Variants in SLC12A5 observed in about 807,000 individuals in gnomAD.
The protein encoded by SLC12A5 is K-Cl cotransporter 2.
In SLC12A5, 18 loss-of-function variants were observed where a neutral mutation model predicts 124.0. The observed-to-expected ratio is 0.15, with a 90% CI of 0.10 to 0.22. The LOEUF is 0.22. Ranked by LOEUF, SLC12A5 falls within the 10% of genes least tolerant of loss-of-function variation. SLC12A5 has a pLI of 1.00. For synonymous variants in SLC12A5, 589 were observed against 568.0 expected (o/e 1.04, Z -0.53); for missense variants, 867 against 1,478.7 (o/e 0.59, Z 6.78).
At chr20:46,031,522 G>C (rs915193493) in intron 1 of SLC12A5, among the ~76,000 whole-genome samples, 1 of 152,334 alleles carries the variant, frequency 6.6e-6, no homozygotes, top group Admixed American at 6.5e-5. Context: ...GAAGGAACTG[G>C]TTGCTGACCT....
intron 6 of SLC12A5, 144 bp from the exon 7 acceptor site, chr20:46,040,229 A>T: frequency 8.1e-7 from 1 of 1,230,976 alleles, no homozygotes; most frequent in Non-Finnish European, 1.1e-6. Flanking sequence ...TGCCTTCTTT[A>T]GCGATTCTCC....
rs1278773182 is a variant in SLC12A5, at chr20:46,043,069, C to T, written c.1067-84C>T. 5.7e-6 allele frequency: 8 copies of T among 1,397,956 alleles called. No individual in the cohort carries two copies. In the Admixed American group the frequency reaches 5.9e-5, roughly 10 times the overall value. The allele number at this position is 1,397,956 out of a possible 1,614,324, so 86.6% of individuals were successfully genotyped here. A position where few individuals can be genotyped will look rare whatever the true frequency, so the allele number is the denominator to read the frequency against. On this transcript the variant is annotated intron_variant, in intron 8 of 25. Coordinates refer to ENST00000243964, the MANE Select transcript of SLC12A5 (RefSeq NM_020708.5). ...GAGATGGGGTTGATCTTGACCCTGACTTTTTGCCCCCTCCCACCTCCTGGT... is the reference window on the plus strand; with the variant it reads ...GAGATGGGGTTGATCTTGACCCTGATTTTTTGCCCCCTCCCACCTCCTGGT...
At chr20:46,029,818 C>T (rs528362530) in intron 1 of SLC12A5, among the ~76,000 whole-genome samples, 1 of 151,820 alleles carries the variant, frequency 6.6e-6, no homozygotes, top group African/African-American at 2.4e-5. Flanking sequence ...TGCAGTCCCT[C>T]GTTCTAAGAC....
rs3080279 is a variant in SLC12A5 at position 46,029,858 on chromosome 20, C to CTGTGTGTGTGTG, written c.52+483_52+494dup. 3.6e-3 allele frequency among the ~76,000 whole-genome samples: 476 copies of CTGTGTGTGTGTG among 133,064 alleles called. 6 individuals carry two copies. Among genetic ancestry groups the CTGTGTGTGTGTG allele is most frequent in the African/African-American group, 0.014 (441 of 32,270 alleles). 87.3% of individuals were successfully genotyped at this position (133,064 alleles called of 152,430 possible). A position where few individuals can be genotyped will look rare whatever the true frequency, so the allele number is the denominator to read the frequency against. Reference sequence around the variant, plus strand: ...ATCTGGAAGATGGGGGAAGAGGTGGCTGTGTGTGTGTGTGTGTGTGTGTGT... The same window carrying CTGTGTGTGTGTG: ...ATCTGGAAGATGGGGGAAGAGGTGGCTGTGTGTGTGTGTGTGTGTGTGTGTGTGTGTGTGTGT... On this transcript the variant is annotated intron_variant, in intron 1 of 25. Coordinates refer to ENST00000243964, the MANE Select transcript of SLC12A5 (RefSeq NM_020708.5).
At chr20:46,024,274 G>T (rs1049684766), upstream of SLC12A5, among the ~76,000 whole-genome samples, 1 of 152,144 alleles carries the variant, frequency 6.6e-6, no homozygotes, top group Non-Finnish European at 1.5e-5. Context: ...GTTGAAGGGT[G>T]TGCTGATGTG....
upstream of SLC12A5, among the ~76,000 whole-genome samples, chr20:46,024,648 C>G (rs1443246181): frequency 6.6e-6 from 1 of 152,184 alleles, no homozygotes; most frequent in African/African-American, 2.4e-5. Context: ...GGGTTTGCCA[C>G]TTGGGGGGCT....
chr20:46,037,232 C>G (rs6017730), intron 5 of SLC12A5, 23 bp from the exon 6 acceptor site: 1 of 1,581,796 alleles, frequency 6.3e-7, no homozygotes, highest in East Asian at 2.2e-5. Context: ...GACCCTCTCG[C>G]TGATACCAGA....
intron 21 of SLC12A5, among the ~76,000 whole-genome samples, chr20:46,055,234 G>A (rs980987688): frequency 5.3e-5 from 8 of 152,060 alleles, no homozygotes; most frequent in African/African-American, 1.7e-4. Flanking sequence ...GAGGCAGAGG[G>A]ACTTTGGTAT....
intron 11 of SLC12A5, 29 bp from the exon 12 acceptor site, chr20:46,044,937 C>A: frequency 6.2e-7 from 1 of 1,614,028 alleles, no homozygotes; most frequent in Non-Finnish European, 8.5e-7. Flanking sequence ...GCACTGCTCA[C>A]CTGGCATCTC....
At chr20:46,051,897 A>G in intron 18 of SLC12A5, 27 bp downstream of exon 18, 1 of 1,233,704 alleles carries the variant, frequency 8.1e-7, no homozygotes, top group Non-Finnish European at 1.1e-6. Context: ...CTGGGGACAG[A>G]AGAGGGGTGG....
At chr20:46,029,017 T>C (rs1221222417), upstream of SLC12A5, 1 of 708,558 alleles carries the variant, frequency 1.4e-6, no homozygotes, top group Non-Finnish European at 1.9e-6. Flanking sequence ...CCAGTTTTTG[T>C]GCAAGGGGGC....
intron 11 of SLC12A5, 74 bp downstream of exon 11, chr20:46,044,007 A>G: frequency 2.1e-6 from 3 of 1,459,952 alleles, no homozygotes; most frequent in Non-Finnish European, 2.8e-6. Flanking sequence ...AAACAGACCC[A>G]TCAGGAGGTG....
intron 18 of SLC12A5, 43 bp from the exon 19 acceptor site, chr20:46,052,914 A>C: frequency 6.4e-7 from 1 of 1,556,752 alleles, no homozygotes. Flanking sequence ...GGAGAACCAG[A>C]GTCACTGTTT....
At chr20:46,023,824 C>G (rs1023481279), downstream of SLC12A5, among the ~76,000 whole-genome samples, 5 of 152,148 alleles carry the variant, frequency 3.3e-5, no homozygotes, top group Non-Finnish European at 7.3e-5. Context: ...GGACAGGGAC[C>G]ATCTCCTTTA....
At position 46,053,748 on chromosome 20, in the gene SLC12A5, C is replaced by T; in HGVS notation, c.2679+39C>T. 1 of 1,524,040 alleles carries T rather than the reference C, an allele frequency of 6.6e-7. No homozygotes were observed. The allele number at this position is 1,524,040 out of a possible 1,614,324, so 94.4% of individuals were successfully genotyped here. ...AGACACCGCTGGGGTTCCACCTGGC[C>T]CTCTTTCCTCTTGGCCCCAGCACCA... On this transcript the variant is annotated intron_variant, in intron 20 of 25. Coordinates refer to ENST00000243964, the MANE Select transcript of SLC12A5 (RefSeq NM_020708.5). This position sits in a 1 kb window ranked among gnomAD's most constrained non-coding sequence, Gnocchi z 4.7.
intron 3 of SLC12A5, 53 bp from the exon 4 acceptor site, chr20:46,035,724 G>T: frequency 6.3e-7 from 1 of 1,576,450 alleles, no homozygotes. Context: ...GAGCACACCT[G>T]GGGTGTTCGT....
rs758619527 is a variant in SLC12A5 at position 46,056,275 on chromosome 20, G to A, written c.2910+3G>A. 2.1e-5 allele frequency: 34 copies of A among 1,614,154 alleles called. No individual in the cohort carries two copies. The highest frequency in any genetic ancestry group is 2.0e-4 in the South Asian group (18 of 91,086). On this transcript the variant is annotated splice_donor_region_variant and intron_variant, in intron 22 of 25. Coordinates refer to ENST00000243964, the MANE Select transcript of SLC12A5 (RefSeq NM_020708.5). This position sits in a 1 kb window ranked among gnomAD's most constrained non-coding sequence, Gnocchi z 4.3. ...GTGAAGAGAAGCCAGAGGAGGAGGT[G>A]TGCAGCTTGGGTGGTTTGGCCCCAA...
intron 1 of SLC12A5, among the ~76,000 whole-genome samples, chr20:46,030,803 C>A (rs933205691): frequency 6.7e-6 from 1 of 149,086 alleles, no homozygotes; most frequent in African/African-American, 2.5e-5. Flanking sequence ...TGTCTGACTC[C>A]CCCCCACCCC....
At chr20:46,025,180 T>C (rs1224509648), upstream of SLC12A5, among the ~76,000 whole-genome samples, 1 of 152,194 alleles carries the variant, frequency 6.6e-6, no homozygotes, top group Non-Finnish European at 1.5e-5. Context: ...TAAGATTTTG[T>C]GATGATTTGG....
Sources: allele counts gnomAD v4.1 joint callset (sites outside exome capture counted in the v4.1 genomes callset), GRCh38; gene constraint gnomAD v4.1.1; non-coding constraint Gnocchi (gnomAD v3.1); transcripts MANE v1.5; gene names NCBI Gene and HGNC (gene_info 2026-07-23, HGNC 2026-07-21).